Variants in ZNF184 observed in about 807,000 individuals in gnomAD.
The protein encoded by ZNF184 is zinc finger protein 184, also known as zinc finger protein 184 (Kruppel-like).
A neutral mutation model predicts 54.4 loss-of-function variants in ZNF184; 16 were observed. The ratio of observed to expected loss-of-function variants is 0.29; its 90% CI spans 0.20 to 0.45. The LOEUF (loss-of-function observed/expected upper bound fraction) is 0.45, where lower values mean the gene tolerates loss of function less well. ZNF184 is among the 20% of genes least tolerant of loss of function. ZNF184 has a pLI of 1.00. For missense variants in ZNF184, 681 were observed against 888.2 expected, an observed-to-expected ratio of 0.77 and a Z score of 2.97; for synonymous variants, 254 against 295.3, an observed-to-expected ratio of 0.86 and a Z score of 1.43.
At chr6:27,424,139 TC>T in the ZNF184 span, among the ~76,000 whole-genome samples, 1 of 152,178 alleles carries the variant, frequency 6.6e-6, no homozygotes, top group African/African-American at 2.4e-5. Context: ...TCTCCCTGGC[TC>T]AGAAGTGAAG....
rs1762763861 is a variant in ZNF184, at chr6:27,452,767, G to A, written c.792C>T (p.Asn264=). The A allele has an allele frequency of 6.2e-7, 1 of 1,613,648 alleles. No homozygotes were observed. Among genetic ancestry groups the A allele is most frequent in the Non-Finnish European group, 8.5e-7 (1 of 1,179,952 alleles). ...TATGAATTCTTTGATGGTTTATAAGGTTTTCACTCCGGCTGAAGGCTTTTT... is the reference window on the plus strand; with the variant it reads ...TATGAATTCTTTGATGGTTTATAAGATTTTCACTCCGGCTGAAGGCTTTTT... The part of the protein sequence containing the change: ...ECEKAFSRSE[N]LINHQRIHTG... The change falls in exon 6 of 6, where the codon AAC becomes AAT. Residue 264 remains asparagine, a synonymous_variant. Coordinates refer to ENST00000683788, the MANE Select transcript of ZNF184 (RefSeq NM_001318891.2). The surrounding 1 kb of genome is among the most constrained non-coding windows in gnomAD (Gnocchi z 5.5).
At position 27,452,236 on chromosome 6, in the gene ZNF184, A is replaced by C; in HGVS notation, c.1323T>G (p.Thr441=). 1 of 1,614,150 alleles carries C rather than the reference A, an allele frequency of 6.2e-7. No individual in the cohort carries two copies. Among genetic ancestry groups the C allele is most frequent in the Non-Finnish European group, 8.5e-7 (1 of 1,180,004 alleles). Residue 441 remains threonine (T), a synonymous_variant, in exon 6 of 6, where the codon ACT becomes ACG. Coordinates refer to ENST00000683788, the MANE Select transcript of ZNF184 (RefSeq NM_001318891.2). The surrounding 1 kb of genome is among the most constrained non-coding windows in gnomAD (Gnocchi z 5.5). The part of the protein sequence containing the change: ...SNLTQHQKTH[T]GEKPYDCAEC... ...CTGCACAATCATAGGGTTTCTCCCC[A>C]GTATGAGTTTTTTGATGCTGAGTGA...
chr6:27,471,087 G>C (rs771583684), intron 2 of ZNF184, among the ~76,000 whole-genome samples: 8 of 152,152 alleles, frequency 5.3e-5, no homozygotes, highest in Non-Finnish European at 7.4e-5. Context: ...AACCAAACTT[G>C]ATTGCACAGC....
Position 27,472,550 on chromosome 6 carries a change from G to GT in ZNF184, c.-139-118dup. 2.0e-6 allele frequency: 1 copy of GT among 496,190 alleles called. No homozygotes were observed. Among genetic ancestry groups the GT allele is most frequent in the South Asian group, 2.7e-5 (1 of 37,528 alleles). 30.7% of individuals were successfully genotyped at this position (496,190 alleles called of 1,614,324 possible). ...TGCCCCAAGAGAGCACTAGAGAGGT[G>GT]TGTGGCACTCCGATGAACAAAACAG... On this transcript the variant is annotated intron_variant, in intron 1 of 5. Transcript: ENST00000683788. This position sits in a 1 kb window ranked among gnomAD's most constrained non-coding sequence, Gnocchi z 4.8.
At chr6:27,461,676 G>A (rs1762998531) in intron 3 of ZNF184, among the ~76,000 whole-genome samples, 1 of 152,224 alleles carries the variant, frequency 6.6e-6, no homozygotes, top group South Asian at 2.1e-4. Flanking sequence ...AAACAAATGA[G>A]GTGAGCCCTA....
chr6:27,415,983 C>T, the ZNF184 span, among the ~76,000 whole-genome samples: 2 of 152,198 alleles, frequency 1.3e-5, no homozygotes, highest in Non-Finnish European at 2.9e-5. Context: ...AGACCTCTCT[C>T]CTAGTTTCTG....
the ZNF184 span, among the ~76,000 whole-genome samples, chr6:27,420,427 G>A: frequency 1.3e-5 from 2 of 152,130 alleles, no homozygotes; most frequent in Admixed American, 6.5e-5. Context: ...TGTGCAGTCT[G>A]TGAGCACCAA....
At chr6:27,428,625 AG>A in the ZNF184 span, among the ~76,000 whole-genome samples, 9 of 152,246 alleles carry the variant, frequency 5.9e-5, no homozygotes, top group African/African-American at 2.2e-4. This position sits in a 1 kb window ranked among gnomAD's most constrained non-coding sequence, Gnocchi z 4.1. Context: ...CCAAATGCTA[AG>A]TAACTTACTA....
intron 5 of ZNF184, among the ~76,000 whole-genome samples, chr6:27,454,418 C>T (rs563399074): frequency 3.6e-4 from 54 of 152,098 alleles, no homozygotes; most frequent in African/African-American, 3.6e-4. Context: ...GGAGGGACGA[C>T]ATCAATACAA....
At chr6:27,428,478 A>T in the ZNF184 span, among the ~76,000 whole-genome samples, 1 of 152,310 alleles carries the variant, frequency 6.6e-6, no homozygotes, top group African/African-American at 2.4e-5. This position sits in a 1 kb window ranked among gnomAD's most constrained non-coding sequence, Gnocchi z 4.1. Flanking sequence ...TCCAGCGTCA[A>T]TGAATAAAGG....
chr6:27,445,988 TGAGAG>T (rs1762632709), downstream of ZNF184, among the ~76,000 whole-genome samples: 2 of 152,100 alleles, frequency 1.3e-5, no homozygotes, highest in South Asian at 4.2e-4. Context: ...CAATGAGATG[TGAGAG>T]GAAAGAAATA....
chr6:27,448,633 C>T (rs959803718), downstream of ZNF184, among the ~76,000 whole-genome samples: 1 of 152,196 alleles, frequency 6.6e-6, no homozygotes, highest in African/African-American at 2.4e-5. Context: ...CTGCCAAATG[C>T]TCCTATCTCA....
chr6:27,425,599 A>G, the ZNF184 span, among the ~76,000 whole-genome samples: 1 of 152,178 alleles, frequency 6.6e-6, no homozygotes, highest in Non-Finnish European at 1.5e-5. Context: ...ATACTGTTCT[A>G]TTTTGTGTCT....
chr6:27,442,692 A>G, the ZNF184 span, among the ~76,000 whole-genome samples: 1 of 140,128 alleles, frequency 7.1e-6, no homozygotes, highest in South Asian at 2.6e-4. Context: ...AAAGAAAGAG[A>G]GAGAGAAACA....
the ZNF184 span, among the ~76,000 whole-genome samples, chr6:27,422,157 A>AAAG: frequency 7.6e-4 from 25 of 32,760 alleles, 1 homozygote; most frequent in African/African-American, 2.2e-3. Context: ...AAAAAGAAAG[A>AAAG]AAGAAAGAAA....
At chr6:27,456,239 C>T (rs1030930752) in intron 5 of ZNF184, among the ~76,000 whole-genome samples, 4 of 146,668 alleles carry the variant, frequency 2.7e-5, no homozygotes, top group African/African-American at 7.6e-5. Flanking sequence ...GCCTGGGCAA[C>T]AGAATGAGAC....
the ZNF184 span, among the ~76,000 whole-genome samples, chr6:27,410,088 G>A: frequency 6.6e-6 from 1 of 152,316 alleles, no homozygotes; most frequent in Non-Finnish European, 1.5e-5. Context: ...TAGTCTAGGT[G>A]TGTAGTTGGC....
At chr6:27,408,327 T>C in the ZNF184 span, among the ~76,000 whole-genome samples, 2 of 152,242 alleles carry the variant, frequency 1.3e-5, no homozygotes, top group Non-Finnish European at 1.5e-5. Context: ...TTTTAATTCA[T>C]GTTACCTTAA....
rs1445259451 is a variant in ZNF184, at chr6:27,462,752, C to G, written c.75+5101G>C. ...TGGTGGTGAGCGCCTGTAATCCCAG[C>G]TACTCAGGAGGCTGAGGCAGGAGAA... is the stretch of plus-strand genomic sequence containing the variant. On this transcript the variant is annotated intron_variant, in intron 3 of 5. Coordinates refer to ENST00000683788, the MANE Select transcript of ZNF184 (RefSeq NM_001318891.2). Among the ~76,000 whole-genome samples the G allele has an allele frequency of 6.6e-5, 10 of 150,996 alleles. 1 individual carries two copies. In the East Asian group the frequency reaches 2.0e-3, roughly 31 times the overall value.
Sources: gnomAD v4.1 joint callset for allele counts (sites outside exome capture counted in the v4.1 genomes callset) on GRCh38, gnomAD v4.1.1 for gene constraint, Gnocchi (gnomAD v3.1) non-coding constraint, MANE v1.5 for transcripts, NCBI Gene and HGNC (gene_info 2026-07-23, HGNC 2026-07-21) for gene names.